PRIM2: variants seen among roughly 807,000 people sequenced by gnomAD.
PRIM2 encodes DNA primase subunit 2, also known as DNA primase large subunit.
A neutral mutation model predicts 67.3 loss-of-function variants in PRIM2; 39 were observed. The observed-to-expected ratio is 0.58, with a 90% confidence interval of 0.45 to 0.76. PRIM2 has a LOEUF of 0.76. Among genes scored for constraint, PRIM2 ranks in the 30% least tolerant of loss-of-function variants. The probability of loss-of-function intolerance (pLI) is 0.00; values close to 1 mark genes in which losing one functional copy is unlikely to be tolerated. For synonymous variants in PRIM2, 143 were observed against 198.7 expected, an observed-to-expected ratio of 0.72 and a Z score of 2.36; for missense variants, 398 against 598.7, an observed-to-expected ratio of 0.66 and a Z score of 3.50.
intron 12 of PRIM2, among the ~76,000 whole-genome samples, chr6:57,624,787 G>A (rs1776917666): frequency 6.6e-6 from 1 of 152,156 alleles, no homozygotes. Flanking sequence ...TGGGGAGACA[G>A]ACTGTATTAC....
chr6:57,617,710 G>A (rs1381154771), intron 12 of PRIM2, among the ~76,000 whole-genome samples: 1 of 152,152 alleles, frequency 6.6e-6, no homozygotes, highest in East Asian at 1.9e-4. Flanking sequence ...AGGTTTTCTT[G>A]TCAACAACTT....
intron 5 of PRIM2, among the ~76,000 whole-genome samples, chr6:57,369,520 A>G (rs1750664025): frequency 6.6e-6 from 1 of 152,182 alleles, no homozygotes; most frequent in Non-Finnish European, 1.5e-5. Flanking sequence ...GTGGGGAATT[A>G]TGAGTAGTAG....
intron 7 of PRIM2, among the ~76,000 whole-genome samples, chr6:57,433,605 A>G (rs1483440163): frequency 6.6e-6 from 1 of 152,164 alleles, no homozygotes; most frequent in Non-Finnish European, 1.5e-5. Flanking sequence ...CTTGACTTTA[A>G]CTGCAGTTAC....
At chr6:57,380,042 G>C (rs551722434) in intron 6 of PRIM2, 46 bp downstream of exon 6, 1 of 1,460,058 alleles carries the variant, frequency 6.8e-7, no homozygotes, top group Admixed American at 2.2e-5. Context: ...TAAATATGTC[G>C]CATTGAGCTT....
intron 12 of PRIM2, among the ~76,000 whole-genome samples, chr6:57,611,257 G>A (rs1451800699): frequency 1.3e-5 from 2 of 152,122 alleles, no homozygotes; most frequent in Non-Finnish European, 2.9e-5. Flanking sequence ...TACTTTTGTA[G>A]CAACCTAATA....
At chr6:57,360,064 C>T (rs889231518) in intron 5 of PRIM2, among the ~76,000 whole-genome samples, 1 of 152,006 alleles carries the variant, frequency 6.6e-6, no homozygotes, top group African/African-American at 2.4e-5. Flanking sequence ...GCTCTTAGCC[C>T]CTTAGAGTTT....
rs1164817593 is a variant in PRIM2 at position 57,644,202 on chromosome 6, A to G, written c.1300-1726A>G. Among the ~76,000 whole-genome samples the G allele has an allele frequency of 2.6e-5, 4 of 151,966 alleles. No individual in the cohort carries two copies. In the East Asian group the frequency reaches 5.8e-4, roughly 22 times the overall value. On this transcript the variant is annotated intron_variant, in intron 13 of 13. Transcript: ENST00000615550. ...ACCTCATTCCTTATTGTTTCCTTGT[A>G]TGTGCCTTTCATAGTAGGCTATGTG...
chr6:57,604,373 T>C (rs1349374756), intron 11 of PRIM2, among the ~76,000 whole-genome samples: 2 of 152,184 alleles, frequency 1.3e-5, no homozygotes, highest in African/African-American at 4.8e-5. Flanking sequence ...TTTGGTGCAT[T>C]CTTTAGGGTT....
chr6:57,325,292 T>G (rs1022783822), intron 4 of PRIM2, among the ~76,000 whole-genome samples: 2 of 140,152 alleles, frequency 1.4e-5, no homozygotes, highest in Admixed American at 7.6e-5. Flanking sequence ...TTTTTTCTCT[T>G]TTCTCTCTCT....
chr6:57,560,377 G>A (rs1775603498), intron 10 of PRIM2, among the ~76,000 whole-genome samples: 1 of 148,826 alleles, frequency 6.7e-6, no homozygotes, highest in East Asian at 2.0e-4. Flanking sequence ...TTCCTTTCCT[G>A]AAGTCTTGAA....
chr6:57,605,196 A>G (rs1292509677), intron 11 of PRIM2, among the ~76,000 whole-genome samples: 7 of 151,858 alleles, frequency 4.6e-5, no homozygotes, highest in African/African-American at 1.7e-4. Context: ...AGGATTTTTG[A>G]TTCTATGGTC....
the PRIM2 span, among the ~76,000 whole-genome samples, chr6:57,281,452 GC>G: frequency 6.6e-6 from 1 of 152,070 alleles, no homozygotes; most frequent in South Asian, 2.1e-4. Flanking sequence ...CACATCCTCA[GC>G]CGCATCTAAC....
At chr6:57,483,046 A>G (rs1240157124) in intron 7 of PRIM2, among the ~76,000 whole-genome samples, 1 of 151,982 alleles carries the variant, frequency 6.6e-6, no homozygotes, top group African/African-American at 2.4e-5. Context: ...AGTAGCTGGG[A>G]TTACAGGTGT....
At chr6:57,317,525 C>A (rs1175252060), upstream of PRIM2, 1 of 152,730 alleles carries the variant, frequency 6.5e-6, no homozygotes, top group Non-Finnish European at 1.5e-5. Flanking sequence ...CCCAGACGCG[C>A]TCCACTGAGC....
the PRIM2 span, among the ~76,000 whole-genome samples, chr6:57,277,227 A>T: frequency 6.6e-6 from 1 of 152,172 alleles, no homozygotes; most frequent in Non-Finnish European, 1.5e-5. Context: ...GGGCAGGTCC[A>T]TCCATTCCTT....
chr6:57,372,696 CAT>C (rs1178131536), intron 5 of PRIM2, among the ~76,000 whole-genome samples: 2 of 152,168 alleles, frequency 1.3e-5, no homozygotes, highest in Admixed American at 1.3e-4. Context: ...TAAATGAGAA[CAT>C]GTGGTATTTG....
chr6:57,288,113 G>A, the PRIM2 span, among the ~76,000 whole-genome samples: 2 of 152,196 alleles, frequency 1.3e-5, no homozygotes, highest in African/African-American at 4.8e-5. Context: ...GGCAGACCAG[G>A]AAATTCCCTT....
At chr6:57,432,315 T>C (rs1180900465) in intron 7 of PRIM2, among the ~76,000 whole-genome samples, 1 of 152,176 alleles carries the variant, frequency 6.6e-6, no homozygotes, top group Non-Finnish European at 1.5e-5. Context: ...CAAAACAGGA[T>C]ATGTATGTGG....
At chr6:57,573,080 T>G (rs1416354579) in intron 10 of PRIM2, among the ~76,000 whole-genome samples, 1 of 152,234 alleles carries the variant, frequency 6.6e-6, no homozygotes, top group Admixed American at 6.5e-5. Context: ...TGCCTTGGCC[T>G]CTCAAATTGC....
Sources: allele counts gnomAD v4.1 joint callset (sites outside exome capture counted in the v4.1 genomes callset), GRCh38; gene constraint gnomAD v4.1.1; transcripts MANE v1.5; gene names NCBI Gene and HGNC (gene_info 2026-07-23, HGNC 2026-07-21).